Variants in NEB observed in about 807,000 individuals in gnomAD.
NEB encodes nemaline myopathy type 2.
Under a neutral mutation model 952.2 loss-of-function variants are expected in NEB, and 512 were observed. The ratio of observed to expected loss-of-function variants is 0.54; its 90% CI spans 0.50 to 0.58. The LOEUF (loss-of-function observed/expected upper bound fraction) is 0.58, where lower values mean the gene tolerates loss of function less well. Ranked by LOEUF, NEB falls within the 20% of genes least tolerant of loss-of-function variation. NEB has a pLI of 0.00. For missense variants in NEB, 8,428 were observed against 9,231.1 expected (o/e 0.91, Z 3.56); for synonymous variants, 2,900 against 3,149.8 (o/e 0.92, Z 2.66).
In NEB at chr2:151,665,460, G is replaced by C; in HGVS notation, c.5111C>G (p.Ala1704Gly). The C allele has an allele frequency of 6.2e-7, 1 of 1,613,196 alleles. No individual in the cohort carries two copies. The highest frequency in any genetic ancestry group is 8.5e-7 in the Non-Finnish European group (1 of 1,179,644). Residue 1704 changes from alanine (A) to glycine (G), a missense_variant, in exon 42 of 182, where the codon GCA becomes GGA. Ala to Gly is a moderately conservative substitution (Grantham distance 60). Transcript: ENST00000397345. Reference protein sequence around the residue: ...VPIESLEVEKAKKAGEILSEK... With the variant: ...VPIESLEVEKGKKAGEILSEK... ...ACTAAGAATCTCTCCTGCTTTCTTTGCCTTCTCCACCTCCAGGGACTCTAT... is the reference window on the plus strand; with the variant it reads ...ACTAAGAATCTCTCCTGCTTTCTTTCCCTTCTCCACCTCCAGGGACTCTAT...
chr2:151,511,923 T>C (rs1559399993), intron 161 of NEB, among the ~76,000 whole-genome samples: 4 of 152,142 alleles, frequency 2.6e-5, no homozygotes, highest in Non-Finnish European at 5.9e-5. Context: ...TGTTAAAATA[T>C]TGATTCATTA....
At chr2:151,524,849 G>T (rs754749029) in intron 151 of NEB, among the ~76,000 whole-genome samples, 45 of 151,634 alleles carry the variant, frequency 3.0e-4, no homozygotes, top group Middle Eastern at 3.4e-3. Context: ...TGTGTTTTTA[G>T]TAGAGACAGG....
chr2:151,562,527 G>C (rs2096131512), intron 120 of NEB, 84 bp downstream of exon 120: 1 of 1,312,364 alleles, frequency 7.6e-7, no homozygotes, highest in East Asian at 2.5e-5. Context: ...GGGACAACGG[G>C]AGCATGGCAG....
At chr2:151,724,129 C>T in intron 8 of NEB, 131 bp downstream of exon 8, 1 of 734,558 alleles carries the variant, frequency 1.4e-6, no homozygotes, top group South Asian at 1.8e-5. Flanking sequence ...TGCAGTCTCA[C>T]ATGTCTCAAG....
intron 23 of NEB, among the ~76,000 whole-genome samples, chr2:151,691,075 C>G (rs2099546096): frequency 6.6e-6 from 1 of 152,092 alleles, no homozygotes; most frequent in Non-Finnish European, 1.5e-5. Flanking sequence ...CTGCTGAAGC[C>G]TTACACAGTG....
intron 176 of NEB, chr2:151,492,801 G>A (rs2057613176): frequency 9.3e-6 from 2 of 214,908 alleles, no homozygotes; most frequent in East Asian, 1.1e-4. Flanking sequence ...CATATTCGAT[G>A]GTATTTGGCT....
At chr2:151,704,656 G>T (rs1196781362) in intron 13 of NEB, among the ~76,000 whole-genome samples, 1 of 152,200 alleles carries the variant, frequency 6.6e-6, no homozygotes, top group African/African-American at 2.4e-5. Context: ...CTTTGAGTCG[G>T]AAAGGTAACT....
In NEB at chr2:151,514,418, C is replaced by T; in HGVS notation, c.23027G>A (p.Arg7676Lys). 1 of 1,609,078 alleles carries T rather than the reference C, an allele frequency of 6.2e-7. No individual in the cohort carries two copies. The highest frequency in any genetic ancestry group is 8.5e-7 in the Non-Finnish European group (1 of 1,175,478). The change falls in exon 159 of 182, where the codon AGG (arginine) becomes AAG (lysine). Residue 7676 changes from arginine (R) to lysine (K), a missense_variant. By Grantham distance (26) the Arg-to-Lys change is conservative. Around this residue, in one of 11 missense-constraint regions of NEB, gnomAD observed 3,374 missense variants for 3,651.5 expected, o/e 0.92. Coordinates refer to ENST00000397345, the MANE Select transcript of NEB (RefSeq NM_001164508.2). ...ATKIASEKEYRKDLEESIRGK... is the reference protein window; with the variant it reads ...ATKIASEKEYKKDLEESIRGK... ...ACGGATGCTTTCCTCTAGATCTTTCCTGTACTCTTTCTATATCATGAAAGA... is the reference window on the plus strand; with the variant it reads ...ACGGATGCTTTCCTCTAGATCTTTCTTGTACTCTTTCTATATCATGAAAGA...
At chr2:151,489,025 T>A (rs1411873866) in intron 181 of NEB, among the ~76,000 whole-genome samples, 1 of 152,218 alleles carries the variant, frequency 6.6e-6, no homozygotes, top group Non-Finnish European at 1.5e-5. Flanking sequence ...CCTTGCAGCT[T>A]TTTCAAATTT....
intron 41 of NEB, 97 bp from the exon 42 acceptor site, chr2:151,665,636 C>A (rs1260921318): frequency 2.8e-6 from 3 of 1,059,420 alleles, no homozygotes; most frequent in East Asian, 5.2e-5. Context: ...AAAAGAGAAG[C>A]TGGGAGGGGG....
intron 67 of NEB, among the ~76,000 whole-genome samples, chr2:151,629,926 A>T (rs900310385): frequency 6.6e-6 from 1 of 152,268 alleles, no homozygotes; most frequent in South Asian, 2.1e-4. Flanking sequence ...TATGATGTAC[A>T]TATCAGCATA....
intron 165 of NEB, 107 bp from the exon 166 acceptor site, chr2:151,503,548 C>G (rs892106629): frequency 1.7e-5 from 12 of 686,848 alleles, no homozygotes; most frequent in Non-Finnish European, 3.1e-5. Context: ...CAATCTAGCT[C>G]TCAAATATAA....
chr2:151,707,791 A>AACTCAGAAAAG (rs2099718867), intron 12 of NEB, among the ~76,000 whole-genome samples: 1 of 152,212 alleles, frequency 6.6e-6, no homozygotes, highest in Non-Finnish European at 1.5e-5. Flanking sequence ...ACCACTTATG[A>AACTCAGAAAAG]ACTCAGAAAA....
intron 119 of NEB, 41 bp downstream of exon 119, chr2:151,563,565 T>C: frequency 1.3e-6 from 2 of 1,536,812 alleles, no homozygotes; most frequent in Non-Finnish European, 1.8e-6. Flanking sequence ...GCAGCACACT[T>C]ATGGGGCACA....
At chr2:151,682,560 C>G (rs2148727364) in intron 29 of NEB, 102 bp downstream of exon 29, 3 of 979,140 alleles carry the variant, frequency 3.1e-6, no homozygotes, top group Non-Finnish European at 4.6e-6. Flanking sequence ...TCCTCAGCAA[C>G]AGTGACTGAG....
At chr2:151,613,460 A>C (rs2098087193) in intron 77 of NEB, among the ~76,000 whole-genome samples, 1 of 152,206 alleles carries the variant, frequency 6.6e-6, no homozygotes, top group Non-Finnish European at 1.5e-5. Flanking sequence ...TAACATCTTC[A>C]TTTTCATTAA....
At chr2:151,706,799 T>G in intron 13 of NEB, 82 bp downstream of exon 13, 1 of 959,798 alleles carries the variant, frequency 1.0e-6, no homozygotes, top group Non-Finnish European at 1.6e-6. Context: ...CAAAGTTATA[T>G]ATTCATTTAG....
chr2:151,566,527 C>T (rs2096403458), intron 114 of NEB, among the ~76,000 whole-genome samples: 1 of 152,122 alleles, frequency 6.6e-6, no homozygotes, highest in Non-Finnish European at 1.5e-5. Flanking sequence ...CTCTGGGCAC[C>T]TAAGCAACTA....
At chr2:151,646,284 G>T in intron 54 of NEB, 50 bp from the exon 55 acceptor site, 3 of 1,324,692 alleles carry the variant, frequency 2.3e-6, no homozygotes, top group South Asian at 1.3e-5. Context: ...ATTAGTGAAT[G>T]ATACAGTTGG....
Sources: gnomAD v4.1 joint callset for allele counts (sites outside exome capture counted in the v4.1 genomes callset) on GRCh38, gnomAD v4.1.1 for gene constraint, gnomAD v4.1.1 regional missense constraint, MANE v1.5 for transcripts, NCBI Gene and HGNC (gene_info 2026-07-23, HGNC 2026-07-21) for gene names.